The following GEN1 variants were observed in gnomAD, a reference collection of about 807,000 sequenced individuals.
The protein encoded by GEN1 is flap endonuclease GEN homolog 1.
A neutral mutation model predicts 67.6 loss-of-function variants in GEN1; 64 were observed. The observed-to-expected ratio is 0.95, with a 90% confidence interval of 0.77 to 1.17. The LOEUF is 1.17. Among genes scored for constraint, GEN1 ranks in the 50% most tolerant of loss-of-function variants. GEN1 has a pLI of 0.00. For missense variants in GEN1, 1,058 were observed against 1,048.3 expected, an observed-to-expected ratio of 1.01 and a Z score of -0.13; for synonymous variants, 371 against 359.4, an observed-to-expected ratio of 1.03 and a Z score of -0.37.
At chr2:17,779,813 G>T (rs942316839) in intron 12 of GEN1, among the ~76,000 whole-genome samples, 165 bp from the exon 13 acceptor site, 1 of 152,122 alleles carries the variant, frequency 6.6e-6, no homozygotes, top group African/African-American at 2.4e-5. Flanking sequence ...TGTTGATCGG[G>T]CTGGTCTGGT....
rs1264778192 is a variant in GEN1 at position 17,782,355 on chromosome 2, C to T, written c.*416C>T. ...GGCCTTGCAAGGTCTTCCGTTATAA[C>T]TCGCTTTCCTAAAAGCTATTTTCTC... is the stretch of plus-strand genomic sequence containing the variant. On this transcript the variant is annotated 3_prime_UTR_variant, in exon 14 of 14. Coordinates refer to ENST00000381254, the MANE Select transcript of GEN1 (RefSeq NM_001130009.3). 6.5e-6 allele frequency: 1 copy of T among 152,920 alleles called. No homozygotes were observed. Among genetic ancestry groups the T allele is most frequent in the African/African-American group, 2.4e-5 (1 of 41,424 alleles). The allele number at this position is 152,920 out of a possible 1,614,324, so 9.5% of individuals were successfully genotyped here. A position where few individuals can be genotyped will look rare whatever the true frequency, so the allele number is the denominator to read the frequency against.
chr2:17,764,861 A>T (rs1034163026), intron 3 of GEN1, 36 bp from the exon 4 acceptor site: 4 of 1,581,532 alleles, frequency 2.5e-6, no homozygotes, highest in Non-Finnish European at 3.4e-6. Flanking sequence ...CAGTGAAAAC[A>T]TTCTTTAACA....
chr2:17,757,515 G>T (rs1416954828), intron 1 of GEN1, among the ~76,000 whole-genome samples: 1 of 151,918 alleles, frequency 6.6e-6, no homozygotes, highest in Non-Finnish European at 1.5e-5. Flanking sequence ...CTATTCATTT[G>T]TGTATGTGTA....
At position 17,786,371 on chromosome 2, in the gene GEN1, T is replaced by C. The variant is rs1281462934; in HGVS notation, c.*4432T>C. ...AGATGTGTTTTCAGAAGAAGGAAACTCTAGATTAGCATCACACAAGGGATC... is the reference window on the plus strand; with the variant it reads ...AGATGTGTTTTCAGAAGAAGGAAACCCTAGATTAGCATCACACAAGGGATC... On this transcript the variant is annotated 3_prime_UTR_variant, in exon 14 of 14. Coordinates refer to ENST00000381254, the MANE Select transcript of GEN1 (RefSeq NM_001130009.3). 3.9e-5 allele frequency: 6 copies of C among 152,182 alleles called. No homozygotes were observed. Among genetic ancestry groups the C allele is most frequent in the African/African-American group, 1.4e-4 (6 of 41,438 alleles). 9.4% of individuals were successfully genotyped at this position (152,182 alleles called of 1,614,324 possible).
At chr2:17,762,369 G>GT (rs551425362) in intron 3 of GEN1, among the ~76,000 whole-genome samples, 4 of 149,792 alleles carry the variant, frequency 2.7e-5, no homozygotes, top group East Asian at 1.9e-4. Flanking sequence ...ACCTGGCTAA[G>GT]TTTTTTTTGT....
At chr2:17,780,517 A>G (rs962404855) in intron 13 of GEN1, 104 bp from the exon 14 acceptor site, 2 of 723,334 alleles carry the variant, frequency 2.8e-6, no homozygotes, top group East Asian at 2.8e-5. Flanking sequence ...AAAGGCAGAA[A>G]CTATTCATAG....
chr2:17,773,331 G>T (rs950638322), intron 10 of GEN1, 32 bp downstream of exon 10: 5 of 1,294,708 alleles, frequency 3.9e-6, no homozygotes, highest in Admixed American at 1.9e-5. Context: ...TTTACTGTAT[G>T]AAGTTATATG....
At chr2:17,775,396 G>A (rs1672380521) in intron 11 of GEN1, among the ~76,000 whole-genome samples, 1 of 152,088 alleles carries the variant, frequency 6.6e-6, no homozygotes, top group Non-Finnish European at 1.5e-5. Context: ...GAGTAGTTTT[G>A]GATTAGTTCC....
At chr2:17,758,466 A>G (rs1336721050) in intron 1 of GEN1, among the ~76,000 whole-genome samples, 1 of 152,204 alleles carries the variant, frequency 6.6e-6, no homozygotes, top group African/African-American at 2.4e-5. Flanking sequence ...CTTTGAGAAT[A>G]TTTGTACTGC....
At chr2:17,777,659 A>G (rs1389650020) in intron 11 of GEN1, among the ~76,000 whole-genome samples, 1 of 152,212 alleles carries the variant, frequency 6.6e-6, no homozygotes, top group Non-Finnish European at 1.5e-5. Flanking sequence ...GTAGAATAAT[A>G]CTACACAGAG....
intron 4 of GEN1, among the ~76,000 whole-genome samples, chr2:17,766,268 A>G (rs1331235910): frequency 6.6e-6 from 1 of 152,166 alleles, no homozygotes; most frequent in Non-Finnish European, 1.5e-5. Flanking sequence ...CCTGGCTTCA[A>G]GTAATTCTTG....
At chr2:17,777,238 T>A (rs1178036249) in intron 11 of GEN1, among the ~76,000 whole-genome samples, 1 of 152,136 alleles carries the variant, frequency 6.6e-6, no homozygotes, top group Admixed American at 6.5e-5. Flanking sequence ...GCCCAGGAAT[T>A]GATTAAAACG....
rs539438439 is a variant in GEN1, at chr2:17,780,524, A to G, written c.1409-97A>G. 36 of 768,380 alleles carry G rather than the reference A, an allele frequency of 4.7e-5. No individual in the cohort carries two copies. In the East Asian group the frequency reaches 9.0e-4, roughly 19 times the overall value. The allele number at this position is 768,380 out of a possible 1,614,324, so 47.6% of individuals were successfully genotyped here. ...GATCAAAAAAAGGCAGAAACTATTC[A>G]TAGAGATTTCTCTCTGAACTGTTTA... On this transcript the variant is annotated intron_variant, in intron 13 of 13. Transcript: ENST00000381254.
At chr2:17,766,188 G>A (rs1178983691) in intron 4 of GEN1, among the ~76,000 whole-genome samples, 1 of 151,718 alleles carries the variant, frequency 6.6e-6, no homozygotes, top group Admixed American at 6.6e-5. Context: ...CTTTTTTTGA[G>A]ACGTAGTCTC....
rs888190272 is a variant in GEN1 at position 17,788,880 on chromosome 2, T to A, written c.*6941T>A. 1.3e-5 allele frequency: 2 copies of A among 152,272 alleles called. No individual in the cohort carries two copies. The highest frequency in any genetic ancestry group is 4.1e-4 in the South Asian group (2 of 4,832). The allele number at this position is 152,272 out of a possible 1,614,324, so 9.4% of individuals were successfully genotyped here. A position where few individuals can be genotyped will look rare whatever the true frequency, so the allele number is the denominator to read the frequency against. ...TTCAAGCAATACTGGTTGCAGTAAC[T>A]GCTCTGATGTAATTATTGCTAACAT... On this transcript the variant is annotated 3_prime_UTR_variant, in exon 14 of 14. Transcript: ENST00000381254.
intron 7 of GEN1, among the ~76,000 whole-genome samples, chr2:17,772,250 G>A (rs958190834): frequency 1.3e-5 from 2 of 151,964 alleles, no homozygotes; most frequent in Admixed American, 6.6e-5. Flanking sequence ...TTCTATTAGA[G>A]CTATTCTATT....
At chr2:17,759,397 A>C (rs184703205) in intron 1 of GEN1, among the ~76,000 whole-genome samples, 1 of 152,320 alleles carries the variant, frequency 6.6e-6, no homozygotes, top group African/African-American at 2.4e-5. Flanking sequence ...TAAGTGATTA[A>C]AAGTTTTTTT....
At position 17,761,245 on chromosome 2, in the gene GEN1, A is replaced by G. The variant is rs79429788; in HGVS notation, c.162-151A>G. On this transcript the variant is annotated intron_variant, in intron 2 of 13. Coordinates refer to ENST00000381254, the MANE Select transcript of GEN1 (RefSeq NM_001130009.3). ...ACTCTGTCAAAGAAAAAGAAAATTC[A>G]GTGGTTTTCCACTCTAATTAAAGCT... 432 of 567,526 alleles carry G rather than the reference A, an allele frequency of 7.6e-4. 2 individuals are homozygous for G. In the African/African-American group the frequency reaches 7.6e-3, roughly 10 times the overall value. The allele number at this position is 567,526 out of a possible 1,614,324, so 35.2% of individuals were successfully genotyped here.
In GEN1 at chr2:17,788,880, T is replaced by C. The variant is rs888190272; in HGVS notation, c.*6941T>C. 6.6e-6 allele frequency: 1 copy of C among 152,272 alleles called. No homozygotes were observed. The highest frequency in any genetic ancestry group is 1.5e-5 in the Non-Finnish European group (1 of 68,044). The allele number at this position is 152,272 out of a possible 1,614,324, so 9.4% of individuals were successfully genotyped here. On this transcript the variant is annotated 3_prime_UTR_variant, in exon 14 of 14. Transcript: ENST00000381254. ...TTCAAGCAATACTGGTTGCAGTAAC[T>C]GCTCTGATGTAATTATTGCTAACAT...
Sources: allele counts gnomAD v4.1 joint callset (sites outside exome capture counted in the v4.1 genomes callset), GRCh38; gene constraint gnomAD v4.1.1; transcripts MANE v1.5; gene names NCBI Gene and HGNC (gene_info 2026-07-23, HGNC 2026-07-21).